Variants in TTLL1 observed in about 807,000 individuals in gnomAD.
The protein encoded by TTLL1 is TTL family tubulin polyglutamylase complex subunit L1.
In TTLL1, 33 loss-of-function variants were observed where a neutral mutation model predicts 47.8. That is an observed-to-expected ratio of 0.69 (90% CI 0.52 to 0.92). The LOEUF (loss-of-function observed/expected upper bound fraction) is 0.92, where lower values mean the gene tolerates loss of function less well. TTLL1 is among the 40% of genes least tolerant of loss of function. The pLI, the probability that TTLL1 is intolerant of heterozygous loss-of-function variation, is 0.00. For synonymous variants in TTLL1, 225 were observed against 214.1 expected (o/e 1.05, Z -0.45); for missense variants, 488 against 547.5 (o/e 0.89, Z 1.08).
intron 8 of TTLL1, among the ~76,000 whole-genome samples, chr22:43,056,409 C>T (rs1927009492): frequency 1.3e-5 from 2 of 148,914 alleles, no homozygotes; most frequent in Admixed American, 1.4e-4. Flanking sequence ...ACCTTGATGC[C>T]ATCACACTTT....
At chr22:43,049,035 GT>G (rs1022239171) in intron 9 of TTLL1, among the ~76,000 whole-genome samples, 21 of 151,676 alleles carry the variant, frequency 1.4e-4, no homozygotes, top group African/African-American at 4.4e-4. Context: ...TGAATACTAT[GT>G]TCACTATTTG....
At chr22:43,071,480 G>A (rs542648430) in intron 3 of TTLL1, among the ~76,000 whole-genome samples, 1 of 152,198 alleles carries the variant, frequency 6.6e-6, no homozygotes, top group East Asian at 1.9e-4. Flanking sequence ...CACGATCTTG[G>A]CTCACTGCAA....
At chr22:43,055,138 G>A (rs1220005850) in intron 8 of TTLL1, among the ~76,000 whole-genome samples, 4 of 146,030 alleles carry the variant, frequency 2.7e-5, no homozygotes, top group Non-Finnish European at 4.5e-5. Context: ...ATTCTCCTGC[G>A]TCAGCCTCCC....
At chr22:43,083,061 C>T (rs1403347987) in intron 1 of TTLL1, among the ~76,000 whole-genome samples, 1 of 151,070 alleles carries the variant, frequency 6.6e-6, no homozygotes, top group Non-Finnish European at 1.5e-5. Flanking sequence ...ACCAACAATA[C>T]TCCTTTTTAA....
intron 8 of TTLL1, among the ~76,000 whole-genome samples, chr22:43,056,462 CTTT>C (rs1052016247): frequency 1.3e-3 from 135 of 103,696 alleles, no homozygotes; most frequent in African/African-American, 4.8e-3. Context: ...TTCTTCTTGT[CTTT>C]TTTTTTTTTT....
At chr22:43,081,678 G>A (rs1453330897) in intron 1 of TTLL1, among the ~76,000 whole-genome samples, 2 of 150,672 alleles carry the variant, frequency 1.3e-5, no homozygotes, top group Non-Finnish European at 2.9e-5. Flanking sequence ...CTCCCAAGTA[G>A]CTGGGACTAC....
intron 7 of TTLL1, 28 bp downstream of exon 7, chr22:43,063,785 G>A (rs754940020): frequency 1.2e-6 from 2 of 1,605,884 alleles, no homozygotes; most frequent in Non-Finnish European, 1.7e-6. Context: ...GTCCATTTCT[G>A]TAAGCACAAA....
chr22:43,066,880 G>A (rs970076081), intron 5 of TTLL1, among the ~76,000 whole-genome samples: 8 of 151,678 alleles, frequency 5.3e-5, no homozygotes, highest in Non-Finnish European at 7.4e-5. Context: ...CCAGCTACTT[G>A]GGAGGCTGAG....
At chr22:43,064,349 A>G in intron 5 of TTLL1, 25 bp from the exon 6 acceptor site, 4 of 1,603,256 alleles carry the variant, frequency 2.5e-6, no homozygotes, top group Non-Finnish European at 3.4e-6. Context: ...GAAAGTAAAA[A>G]TTAGATGGTA....
intron 3 of TTLL1, among the ~76,000 whole-genome samples, chr22:43,071,574 T>C (rs1430698819): frequency 1.3e-5 from 2 of 152,040 alleles, no homozygotes; most frequent in African/African-American, 4.8e-5. Flanking sequence ...CACACACCGC[T>C]AATTGTTATA....
chr22:43,056,739 C>G (rs979453615), intron 8 of TTLL1, among the ~76,000 whole-genome samples: 3 of 151,778 alleles, frequency 2.0e-5, no homozygotes, highest in African/African-American at 7.3e-5. Context: ...GAGCCAAGAT[C>G]GCGCCACTGC....
rs1413979993 is a variant in TTLL1 at position 43,046,065 on chromosome 22, A to G, written c.1142+345T>C. Among the ~76,000 whole-genome samples the G allele has an allele frequency of 3.3e-5, 5 of 152,106 alleles. No individual in the cohort carries two copies. In the South Asian group the frequency reaches 6.2e-4, roughly 19 times the overall value. ...GTGAAACCCTGTCTATACTAAAAATACAAAAATTAGCCAGGAGTGGTAACA... is the reference window on the plus strand; with the variant it reads ...GTGAAACCCTGTCTATACTAAAAATGCAAAAATTAGCCAGGAGTGGTAACA... On this transcript the variant is annotated intron_variant, in intron 10 of 10. Transcript: ENST00000266254.
intron 3 of TTLL1, among the ~76,000 whole-genome samples, chr22:43,071,473 G>A (rs368937502): frequency 2.0e-5 from 3 of 152,074 alleles, no homozygotes; most frequent in Non-Finnish European, 2.9e-5. Context: ...GCAGTGGCAC[G>A]ATCTTGGCTC....
At chr22:43,083,025 AAAT>A (rs34036244) in intron 1 of TTLL1, among the ~76,000 whole-genome samples, 6,771 of 148,356 alleles carry the variant, frequency 0.046, 502 homozygotes, top group African/African-American at 0.16. Context: ...AAAAATAATA[AAAT>A]AATAATAATA....
chr22:43,079,148 A>T (rs1928708117), intron 2 of TTLL1, among the ~76,000 whole-genome samples: 1 of 104,830 alleles, frequency 9.5e-6, no homozygotes. Flanking sequence ...CGCACCCCAG[A>T]GCGTGAGCCC....
At chr22:43,077,682 C>T (rs1928598356) in intron 2 of TTLL1, among the ~76,000 whole-genome samples, 1 of 152,184 alleles carries the variant, frequency 6.6e-6, no homozygotes, top group South Asian at 2.1e-4. Context: ...CGTTTTCAAA[C>T]TGCTCAGGCA....
chr22:43,069,696 G>C lies in TTLL1; in HGVS notation c.262C>G (p.Leu88Val). 6.2e-7 allele frequency: 1 copy of C among 1,614,156 alleles called. No homozygotes were observed. The highest frequency in any genetic ancestry group is 1.3e-5 in the African/African-American group (1 of 75,038). Residue 88 changes from leucine to valine, a missense_variant, in exon 4 of 11, where the codon CTG becomes GTG. Transcript: ENST00000266254. ...VKNIKRYRKE[L>V]EKEGSPLAEK... ...GCCAGAGGACTCCCTTCTTTCTCCA[G>C]CTCCTTCCTGTATCTTTTGATGTTC...
At chr22:43,048,043 C>T (rs1040944573) in intron 9 of TTLL1, among the ~76,000 whole-genome samples, 2 of 152,012 alleles carry the variant, frequency 1.3e-5, no homozygotes, top group African/African-American at 4.8e-5. Flanking sequence ...AGGGGCCGGG[C>T]GCGGTGGCTC....
At chr22:43,076,548 G>A (rs1011115518) in intron 2 of TTLL1, among the ~76,000 whole-genome samples, 10 of 151,802 alleles carry the variant, frequency 6.6e-5, no homozygotes, top group Non-Finnish European at 1.2e-4. Flanking sequence ...TCAGGAGATT[G>A]AGACCATCCT....
Sources: gnomAD v4.1 joint callset for allele counts (sites outside exome capture counted in the v4.1 genomes callset) on GRCh38, gnomAD v4.1.1 for gene constraint, MANE v1.5 for transcripts, NCBI Gene and HGNC (gene_info 2026-07-23, HGNC 2026-07-21) for gene names.